The following TKTL1 variants were observed in gnomAD, a reference collection of about 807,000 sequenced individuals.
TKTL1 encodes the protein transketolase-like protein 1.
Under a neutral mutation model 39.3 loss-of-function variants are expected in TKTL1, and 1 was observed. That is an observed-to-expected ratio of 0.03 (90% confidence interval 0.01 to 0.12). The LOEUF is 0.12. Among genes scored for constraint, TKTL1 ranks in the 10% least tolerant of loss-of-function variants. TKTL1 has a pLI of 1.00. For missense variants in TKTL1, 575 were observed against 509.6 expected, an observed-to-expected ratio of 1.13 and a Z score of -1.24; for synonymous variants, 262 against 193.8, an observed-to-expected ratio of 1.35 and a Z score of -2.92.
chrX:154,308,108 C>G (rs190463697), intron 2 of TKTL1, among the ~76,000 whole-genome samples: 7 of 111,970 alleles, frequency 6.3e-5, no homozygotes, highest in Non-Finnish European at 9.4e-5. Flanking sequence ...AGGAAACAAA[C>G]TTTTAAGTCA....
intron 9 of TKTL1, among the ~76,000 whole-genome samples, chrX:154,324,521 C>T: frequency 8.9e-6 from 1 of 111,920 alleles, no homozygotes; most frequent in East Asian, 2.8e-4. Flanking sequence ...CTAGAAAGGT[C>T]AAGAGAGGCG....
At chrX:154,316,671 A>G (rs2067402573) in intron 7 of TKTL1, among the ~76,000 whole-genome samples, 1 of 111,535 alleles carries the variant, frequency 9.0e-6, no homozygotes, top group African/African-American at 3.3e-5. Context: ...ACTGAAGCCA[A>G]ACAGCACCCC....
chrX:154,327,755 G>T (rs2067503925), intron 11 of TKTL1, 68 bp downstream of exon 11: 8 of 1,197,396 alleles, frequency 6.7e-6, no homozygotes, highest in Non-Finnish European at 9.1e-6. Context: ...TACCTCCTGT[G>T]CCCTGAGTGC....
Position 154,327,833 on chromosome X carries a change from C to A in TKTL1, c.1499-6C>A, listed in dbSNP as rs781897294. On this transcript the variant is annotated splice_region_variant and splice_polypyrimidine_tract_variant and intron_variant, in intron 11 of 12. Coordinates refer to ENST00000369915, the MANE Select transcript of TKTL1 (RefSeq NM_012253.4). Reference sequence around the variant, plus strand: ...TTGTACCAAGCTGGTTTTTGCTGTTCTGCAGATATTTTTATCCGTGTCATC... The same window carrying A: ...TTGTACCAAGCTGGTTTTTGCTGTTATGCAGATATTTTTATCCGTGTCATC... The A allele has an allele frequency of 8.3e-7, 1 of 1,209,719 alleles. No homozygotes were observed. The highest frequency in any genetic ancestry group is 1.1e-6 in the Non-Finnish European group (1 of 895,125).
intron 2 of TKTL1, among the ~76,000 whole-genome samples, chrX:154,308,556 G>C (rs1281618217): frequency 1.8e-5 from 2 of 112,036 alleles, no homozygotes; most frequent in African/African-American, 6.5e-5. Context: ...GGGAGGCTGG[G>C]AGGCCACTGC....
intron 5 of TKTL1, among the ~76,000 whole-genome samples, chrX:154,311,718 A>G (rs952130265): frequency 1.8e-5 from 2 of 111,769 alleles, no homozygotes; most frequent in Non-Finnish European, 3.8e-5. Context: ...AACTCATCAC[A>G]AAGAGTGCGG....
At chrX:154,324,058 G>A (rs1557171452) in intron 9 of TKTL1, among the ~76,000 whole-genome samples, 1 of 112,259 alleles carries the variant, frequency 8.9e-6, no homozygotes, top group Non-Finnish European at 1.9e-5. Flanking sequence ...AAGCACTCAT[G>A]GGCGTTTCTT....
At position 154,329,821 on chromosome X, in the gene TKTL1, GT is replaced by G. The variant is rs2067523856; in HGVS notation, c.*135del. ...CAGCTAACACCTTCATTCATCCCTA[GT>G]TCGGAAATTCAAGCTAACTACTTAC... On this transcript the variant is annotated 3_prime_UTR_variant, in exon 13 of 13. Coordinates refer to ENST00000369915, the MANE Select transcript of TKTL1 (RefSeq NM_012253.4). 3 of 736,676 alleles carry G rather than the reference GT, an allele frequency of 4.1e-6. No homozygotes were observed. Among genetic ancestry groups the G allele is most frequent in the Non-Finnish European group, 5.9e-6 (3 of 511,539 alleles). 60.7% of individuals were successfully genotyped at this position (736,676 alleles called of 1,213,427 possible).
chrX:154,326,382 C>T (rs1302077930), intron 10 of TKTL1, among the ~76,000 whole-genome samples: 2 of 112,381 alleles, frequency 1.8e-5, no homozygotes, highest in Admixed American at 1.9e-4. Flanking sequence ...GGCATGCTTC[C>T]TTCCTGTCTT....
chrX:154,298,299 AACTCTCGTGGGCTCAAGCG>A (rs1433432376), intron 1 of TKTL1, among the ~76,000 whole-genome samples: 1 of 110,710 alleles, frequency 9.0e-6, no homozygotes, highest in Non-Finnish European at 1.9e-5. Flanking sequence ...TGCAGCCTCG[AACTCTCGTGGGCTCAAGCG>A]ACTCTCCTTC....
intron 5 of TKTL1, 58 bp downstream of exon 5, chrX:154,311,296 C>T (rs2067355823): frequency 8.3e-7 from 1 of 1,200,426 alleles, no homozygotes; most frequent in African/African-American, 1.7e-5. Context: ...CGCTCAGCAG[C>T]AGAGGCGGGA....
At chrX:154,299,149 CTTTTTTTTTTTT>C (rs1180562974) in intron 1 of TKTL1, among the ~76,000 whole-genome samples, 1 of 35,927 alleles carries the variant, frequency 2.8e-5, no homozygotes, top group Non-Finnish European at 5.2e-5. Flanking sequence ...CTTTTTCTTT[CTTTTTTTTTTTT>C]TTTTTTTTTT....
chrX:154,322,479 C>G (rs1485739995), intron 8 of TKTL1, among the ~76,000 whole-genome samples: 1 of 110,992 alleles, frequency 9.0e-6, no homozygotes, highest in Admixed American at 9.6e-5. Context: ...CTGCGGTGAG[C>G]CAAGATGACC....
intron 1 of TKTL1, among the ~76,000 whole-genome samples, chrX:154,299,146 TTTC>T (rs2067253363): frequency 2.1e-5 from 2 of 94,477 alleles, no homozygotes; most frequent in East Asian, 3.3e-4. Context: ...TTTCTTTTTC[TTTC>T]TTTTTTTTTT....
chrX:154,323,985 C>T (rs782796993), intron 9 of TKTL1, among the ~76,000 whole-genome samples: 183 of 112,827 alleles, frequency 1.6e-3, no homozygotes, highest in African/African-American at 3.3e-3. Context: ...CCCTGGACCT[C>T]GCCCATGCGC....
chrX:154,313,080 A>G (rs2148807412), intron 6 of TKTL1, among the ~76,000 whole-genome samples: 1 of 111,728 alleles, frequency 9.0e-6, no homozygotes, highest in South Asian at 3.7e-4. Context: ...TTGATCTTTC[A>G]CCACTCCTGG....
chrX:154,300,428 C>T lies in TKTL1; in HGVS notation c.134+4435C>T, dbSNP rs147368491. ...GAGCATGAGATATCTTTGTTTGTGT[C>T]ATCTGTGATGTCTTTCAGTAGTGTT... On this transcript the variant is annotated intron_variant, in intron 1 of 12. Transcript: ENST00000369915. Among the ~76,000 whole-genome samples, 612 of 112,406 alleles carry T rather than the reference C, an allele frequency of 5.4e-3. 5 individuals carry two copies. The highest frequency in any genetic ancestry group is 8.9e-3 in the African/African-American group (274 of 30,951).
chrX:154,323,242 A>G lies in TKTL1; in HGVS notation c.1222A>G (p.Ile408Val), dbSNP rs782556342. The G allele has an allele frequency of 1.7e-6, 2 of 1,211,408 alleles. No homozygotes were observed. Among genetic ancestry groups the G allele is most frequent in the South Asian group, 1.8e-5 (1 of 56,951 alleles). The change falls in exon 9 of 13, where the codon ATA becomes GTA. Residue 408 changes from isoleucine to valine, a missense_variant. Coordinates refer to ENST00000369915, the MANE Select transcript of TKTL1 (RefSeq NM_012253.4). ...DGASQMALEDIAMFRTIPKCT... is the reference protein window; with the variant it reads ...DGASQMALEDVAMFRTIPKCT... ...TGCTTCCCAGATGGCCCTGGAGGATATAGCCATGTTCCGAACCATTCCCAA... is the reference window on the plus strand; with the variant it reads ...TGCTTCCCAGATGGCCCTGGAGGATGTAGCCATGTTCCGAACCATTCCCAA...
intron 7 of TKTL1, among the ~76,000 whole-genome samples, 186 bp downstream of exon 7, chrX:154,315,523 C>T (rs1293522896): frequency 3.6e-5 from 4 of 111,332 alleles, no homozygotes; most frequent in South Asian, 7.6e-4. Flanking sequence ...CTAGGAGGGC[C>T]GTAATAGACT....
Sources: allele counts gnomAD v4.1 joint callset (sites outside exome capture counted in the v4.1 genomes callset), GRCh38; gene constraint gnomAD v4.1.1; transcripts MANE v1.5; gene names NCBI Gene and HGNC (gene_info 2026-07-23, HGNC 2026-07-21).